The following OTOP1 variants were observed in gnomAD, a reference collection of about 807,000 sequenced individuals.
The protein encoded by OTOP1 is otopetrin 1.
In OTOP1, 59 loss-of-function variants were observed where a neutral mutation model predicts 52.9. That is an observed-to-expected ratio of 1.12 (90% CI 0.91 to 1.39). The LOEUF (loss-of-function observed/expected upper bound fraction) is 1.39. OTOP1 is among the 40% of genes most tolerant of loss of function. OTOP1 has a pLI of 0.00. For synonymous variants in OTOP1, 317 were observed against 337.7 expected (o/e 0.94, Z 0.67); for missense variants, 761 against 800.9 (o/e 0.95, Z 0.60).
chr4:4,212,922 T>C lies in OTOP1; in HGVS notation c.486A>G (p.Leu162=). The C allele has an allele frequency of 2.5e-6, 4 of 1,614,152 alleles. No homozygotes were observed. Among genetic ancestry groups the C allele is most frequent in the Non-Finnish European group, 3.4e-6 (4 of 1,180,008 alleles). ...CTGGGAAAACTCCTTCAGTGGCTGATAAACATTCTGAAAATCCAATGAAGT... is the reference window on the plus strand; with the variant it reads ...CTGGGAAAACTCCTTCAGTGGCTGACAAACATTCTGAAAATCCAATGAAGT... ...IGYFIGFSEC[L]SATEGVFPVT... The change falls in exon 2 of 6, where the codon TTA becomes TTG. Residue 162 remains leucine, a synonymous_variant. Transcript: ENST00000296358.
intron 4 of OTOP1, among the ~76,000 whole-genome samples, chr4:4,201,356 G>C (rs1278484407): frequency 1.3e-5 from 2 of 152,034 alleles, no homozygotes; most frequent in African/African-American, 4.8e-5. Flanking sequence ...GAACCTGGGA[G>C]GCAGAGGTTG....
At chr4:4,208,537 A>G (rs374802661) in intron 2 of OTOP1, among the ~76,000 whole-genome samples, 1 of 152,208 alleles carries the variant, frequency 6.6e-6, no homozygotes, top group Non-Finnish European at 1.5e-5. Flanking sequence ...GAAGACCAAT[A>G]CTGTATGATT....
At chr4:4,213,451 A>G (rs1165705906) in intron 1 of OTOP1, among the ~76,000 whole-genome samples, 1 of 152,246 alleles carries the variant, frequency 6.6e-6, no homozygotes, top group Non-Finnish European at 1.5e-5. Context: ...AAGCGGAAAG[A>G]CAGCCCACAG....
intron 4 of OTOP1, among the ~76,000 whole-genome samples, chr4:4,199,697 G>T (rs774630281): frequency 6.6e-6 from 1 of 152,192 alleles, no homozygotes; most frequent in Non-Finnish European, 1.5e-5. Context: ...AAAAGCATGA[G>T]CCACCGCACC....
chr4:4,202,300 A>T, intron 4 of OTOP1, 148 bp downstream of exon 4: 1 of 1,081,978 alleles, frequency 9.2e-7, no homozygotes, highest in South Asian at 1.5e-5. Flanking sequence ...GAAGATTTTC[A>T]ACAACAGCGG....
At chr4:4,199,237 A>T (rs796621949) in intron 4 of OTOP1, among the ~76,000 whole-genome samples, 22,805 of 51,530 alleles carry the variant, frequency 0.44, 5,309 homozygotes, top group South Asian at 0.54. Context: ...TGTGTGTGAG[A>T]GAGAGAGAGA....
chr4:4,218,071 C>T (rs981614798), intron 1 of OTOP1, among the ~76,000 whole-genome samples: 14 of 152,032 alleles, frequency 9.2e-5, no homozygotes, highest in Admixed American at 2.0e-4. Context: ...CATTTTGAGG[C>T]GAAATTCTAT....
chr4:4,197,387 C>T lies in OTOP1; in HGVS notation c.1447G>A (p.Gly483Ser), dbSNP rs1363421515. 6.2e-7 allele frequency: 1 copy of T among 1,614,096 alleles called. No homozygotes were observed. Among genetic ancestry groups the T allele is most frequent in the Non-Finnish European group, 8.5e-7 (1 of 1,180,044 alleles). The change falls in exon 5 of 6, where the codon GGT becomes AGT. Residue 483 changes from glycine (G) to serine (S), a missense_variant. Physicochemically the swap from Gly to Ser is moderately conservative, Grantham distance 56. This residue lies in a region of OTOP1 where 632 missense variants were observed against 619.5 expected (regional missense o/e 1.02). Coordinates refer to ENST00000296358, the MANE Select transcript of OTOP1 (RefSeq NM_177998.3). ...PLASSCPKSG[G>S]VARDVAPQGK... ...TGGGGAGCCACATCTCTGGCCACAC[C>T]TCCACTCTTGGGGCAGGAAGAAGCA...
At chr4:4,224,163 A>G (rs1395103750) in intron 1 of OTOP1, among the ~76,000 whole-genome samples, 2 of 152,056 alleles carry the variant, frequency 1.3e-5, no homozygotes, top group East Asian at 1.9e-4. Flanking sequence ...TCTGGCCAAC[A>G]TGATGAAACC....
At chr4:4,208,726 C>G (rs1716962676) in intron 2 of OTOP1, among the ~76,000 whole-genome samples, 1 of 150,608 alleles carries the variant, frequency 6.6e-6, no homozygotes, top group Non-Finnish European at 1.5e-5. Flanking sequence ...CTTAACATTA[C>G]TGAAACGTAC....
At chr4:4,200,535 C>A (rs1399820345) in intron 4 of OTOP1, among the ~76,000 whole-genome samples, 1 of 150,416 alleles carries the variant, frequency 6.6e-6, no homozygotes, top group Non-Finnish European at 1.5e-5. Flanking sequence ...TCACAGAACA[C>A]TATGAAATTT....
At chr4:4,214,430 A>G (rs1437092903) in intron 1 of OTOP1, among the ~76,000 whole-genome samples, 2 of 152,208 alleles carry the variant, frequency 1.3e-5, no homozygotes, top group African/African-American at 4.8e-5. Flanking sequence ...TTATGGCATG[A>G]TCTGGCATTT....
intron 5 of OTOP1, among the ~76,000 whole-genome samples, chr4:4,192,708 G>A (rs929516115): frequency 6.6e-6 from 1 of 152,150 alleles, no homozygotes; most frequent in Non-Finnish European, 1.5e-5. Context: ...GAAGGCAGGG[G>A]TCACACTTGG....
At chr4:4,211,338 A>G (rs1272974755) in intron 2 of OTOP1, among the ~76,000 whole-genome samples, 2 of 152,254 alleles carry the variant, frequency 1.3e-5, no homozygotes, top group African/African-American at 4.8e-5. Flanking sequence ...CAGTATCACT[A>G]GAACAAGTTC....
At chr4:4,212,797 T>C in intron 2 of OTOP1, 71 bp downstream of exon 2, 1 of 1,553,110 alleles carries the variant, frequency 6.4e-7, no homozygotes, top group Non-Finnish European at 8.9e-7. Flanking sequence ...GTCTTGATGT[T>C]ACAAGTTTCT....
intron 2 of OTOP1, among the ~76,000 whole-genome samples, chr4:4,211,445 C>T (rs921085866): frequency 5.3e-5 from 8 of 150,980 alleles, no homozygotes; most frequent in African/African-American, 1.9e-4. Flanking sequence ...CCAACTTCTT[C>T]GTTAGAAAAA....
In OTOP1 at chr4:4,202,463, C is replaced by G; in HGVS notation, c.715G>C (p.Gly239Arg). The change falls in exon 4 of 6, where the codon GGG becomes CGG. Residue 239 changes from glycine (G) to arginine (R), a missense_variant. By Grantham distance (125) the Gly-to-Arg change is moderately radical (BLOSUM62 -2). Around this residue, in one of 3 missense-constraint regions of OTOP1, gnomAD observed 632 missense variants for 619.5 expected, o/e 1.02. Coordinates refer to ENST00000296358, the MANE Select transcript of OTOP1 (RefSeq NM_177998.3). Reference sequence around the variant, plus strand: ...CACCACTCACCTGTTGTTATGTTCCCAAAACCCAGAGTGATGAGCCGTTCC... The same window carrying G: ...CACCACTCACCTGTTGTTATGTTCCGAAAACCCAGAGTGATGAGCCGTTCC... ...HKERLITLGF[G>R]NITTVLDDHT... is the part of the protein sequence containing the mutation. 2 of 1,613,830 alleles carry G rather than the reference C, an allele frequency of 1.2e-6. No individual in the cohort carries two copies. The highest frequency in any genetic ancestry group is 1.7e-6 in the Non-Finnish European group (2 of 1,179,836).
chr4:4,217,495 T>C lies in OTOP1; in HGVS notation c.404-4491A>G, dbSNP rs141970413. 1.1e-3 allele frequency among the ~76,000 whole-genome samples: 173 copies of C among 152,350 alleles called. 1 individual carries two copies. Among genetic ancestry groups the C allele is most frequent in the African/African-American group, 4.0e-3 (167 of 41,592 alleles). On this transcript the variant is annotated intron_variant, in intron 1 of 5. Transcript: ENST00000296358. ...GAATGATGTTTGAAGATACACAAAA[T>C]GTAATTTTTTCAACAACTATTTATT... is the stretch of plus-strand genomic sequence containing the variant.
In OTOP1 at chr4:4,209,615, C is replaced by G. The variant is rs139513603; in HGVS notation, c.540+3253G>C. On this transcript the variant is annotated intron_variant, in intron 2 of 5. Coordinates refer to ENST00000296358, the MANE Select transcript of OTOP1 (RefSeq NM_177998.3). The stretch of plus-strand genomic sequence containing the variant: ...GCCTTGACCAAGAATTTGCTGCACA[C>G]CTAGCCCTCTGCCAAGTGCTTTTCA... Among the ~76,000 whole-genome samples the G allele has an allele frequency of 7.8e-3, 1,189 of 152,290 alleles. 2 individuals are homozygous for G. The highest frequency in any genetic ancestry group is 0.034 in the Middle Eastern group (10 of 294).
Sources: gnomAD v4.1 joint callset for allele counts (sites outside exome capture counted in the v4.1 genomes callset) on GRCh38, gnomAD v4.1.1 for gene constraint, gnomAD v4.1.1 regional missense constraint, MANE v1.5 for transcripts, NCBI Gene and HGNC (gene_info 2026-07-23, HGNC 2026-07-21) for gene names.